The following ASTN2 variants were observed in gnomAD, a reference collection of about 807,000 sequenced individuals.
ASTN2 encodes the protein astrotactin-2.
In ASTN2, 54 loss-of-function variants were observed where a neutral mutation model predicts 139.8. The ratio of observed to expected loss-of-function variants is 0.39; its 90% CI spans 0.31 to 0.48. The LOEUF is 0.48. Ranked by LOEUF, ASTN2 falls within the 20% of genes least tolerant of loss-of-function variation. The pLI, the probability that ASTN2 is intolerant of heterozygous loss-of-function variation, is 0.95. For missense variants in ASTN2, 1,565 were observed against 1,725.1 expected, an observed-to-expected ratio of 0.91 and a Z score of 1.64; for synonymous variants, 756 against 719.5, an observed-to-expected ratio of 1.05 and a Z score of -0.81.
At chr9:117,116,834 C>CACAAA (rs1829406273) in intron 4 of ASTN2, among the ~76,000 whole-genome samples, 1 of 45,180 alleles carries the variant, frequency 2.2e-5, no homozygotes, top group Non-Finnish European at 3.5e-5. Context: ...TGGCATGAGC[C>CACAAA]AAAAAAAAAA....
chr9:117,128,226 T>C (rs1358115745), intron 4 of ASTN2, among the ~76,000 whole-genome samples: 1 of 151,746 alleles, frequency 6.6e-6, no homozygotes, highest in Non-Finnish European at 1.5e-5. Flanking sequence ...GTACAAAAAA[T>C]AGCTGGGCAT....
chr9:117,216,093 A>T (rs1413033198), intron 2 of ASTN2, among the ~76,000 whole-genome samples: 1 of 152,210 alleles, frequency 6.6e-6, no homozygotes, highest in Non-Finnish European at 1.5e-5. Context: ...AAATTCTGAC[A>T]ACTATCTGTA....
At position 116,636,414 on chromosome 9, in the gene ASTN2, C is replaced by T. The variant is rs562470955; in HGVS notation, c.3072+15114G>A. ...GACTTGCTGGGTGCAGTGGCTCATGCCTGTAATCCCAGCACTTTGAGAGGC... is the reference window on the plus strand; with the variant it reads ...GACTTGCTGGGTGCAGTGGCTCATGTCTGTAATCCCAGCACTTTGAGAGGC... On this transcript the variant is annotated intron_variant, in intron 17 of 22. Transcript: ENST00000313400. Among the ~76,000 whole-genome samples, 102 of 152,302 alleles carry T rather than the reference C, an allele frequency of 6.7e-4. 1 individual carries two copies. Among genetic ancestry groups the T allele is most frequent in the Non-Finnish European group, 4.7e-4 (32 of 68,028 alleles).
chr9:116,642,275 C>A (rs1346961950), intron 17 of ASTN2, among the ~76,000 whole-genome samples: 2 of 152,016 alleles, frequency 1.3e-5, no homozygotes, highest in African/African-American at 4.8e-5. Flanking sequence ...TCACTAGGCA[C>A]TCTTGACCTC....
chr9:116,464,084 C>A (rs991616133), intron 20 of ASTN2, among the ~76,000 whole-genome samples: 5 of 151,842 alleles, frequency 3.3e-5, no homozygotes, highest in Non-Finnish European at 4.4e-5. Context: ...TGACACATAG[C>A]AGAGGAGTAT....
intron 19 of ASTN2, among the ~76,000 whole-genome samples, chr9:116,494,941 A>G (rs1324329756): frequency 1.3e-5 from 2 of 152,174 alleles, no homozygotes; most frequent in Non-Finnish European, 2.9e-5. Flanking sequence ...TGATGAAGCT[A>G]TTTACTGAAG....
intron 3 of ASTN2, among the ~76,000 whole-genome samples, chr9:117,200,270 G>A (rs974295191): frequency 8.4e-5 from 12 of 143,324 alleles, no homozygotes; most frequent in South Asian, 4.5e-4. Context: ...TGTGATGTTC[G>A]ATGGGGTTTT....
chr9:117,239,657 C>A (rs148746212), intron 2 of ASTN2, among the ~76,000 whole-genome samples: 10 of 152,328 alleles, frequency 6.6e-5, no homozygotes, highest in African/African-American at 2.4e-4. Context: ...CTAGGAGAAC[C>A]ATTTCCATTT....
intron 13 of ASTN2, among the ~76,000 whole-genome samples, chr9:116,767,662 G>T (rs1342000510): frequency 6.6e-6 from 1 of 152,104 alleles, no homozygotes; most frequent in East Asian, 1.9e-4. Context: ...GGTGACTTCT[G>T]TCCTCCACAC....
intron 3 of ASTN2, among the ~76,000 whole-genome samples, chr9:117,201,745 T>C (rs192989687): frequency 6.6e-6 from 1 of 152,120 alleles, no homozygotes; most frequent in East Asian, 1.9e-4. Flanking sequence ...TGCTGAGGAG[T>C]GTTTTACTTT....
At chr9:116,815,545 C>T (rs1185968935) in intron 12 of ASTN2, among the ~76,000 whole-genome samples, 6 of 151,976 alleles carry the variant, frequency 3.9e-5, no homozygotes, top group African/African-American at 9.7e-5. Context: ...GTGGCTCACA[C>T]CTGTAATCCC....
intron 10 of ASTN2, among the ~76,000 whole-genome samples, chr9:116,876,830 A>G (rs1017501887): frequency 2.0e-5 from 3 of 152,246 alleles, no homozygotes; most frequent in Non-Finnish European, 4.4e-5. Flanking sequence ...AGAGTAAAAA[A>G]TAACTTTTAT....
intron 2 of ASTN2, among the ~76,000 whole-genome samples, chr9:117,282,015 C>G (rs1834337260): frequency 6.6e-6 from 1 of 152,144 alleles, no homozygotes; most frequent in Non-Finnish European, 1.5e-5. Context: ...TCTCTCTTTT[C>G]CTGTTCTCTT....
At chr9:116,647,345 T>C (rs926904683) in intron 17 of ASTN2, among the ~76,000 whole-genome samples, 13 of 152,198 alleles carry the variant, frequency 8.5e-5, no homozygotes, top group Admixed American at 3.3e-4. Context: ...TCAAAGATAC[T>C]TAATGAATGA....
intron 19 of ASTN2, among the ~76,000 whole-genome samples, chr9:116,614,309 A>T (rs968346175): frequency 3.9e-5 from 6 of 152,214 alleles, no homozygotes; most frequent in African/African-American, 1.4e-4. Context: ...AAGATAATTT[A>T]TAGATTCAGT....
At chr9:117,402,123 G>A (rs1830849404) in intron 1 of ASTN2, among the ~76,000 whole-genome samples, 1 of 152,210 alleles carries the variant, frequency 6.6e-6, no homozygotes. Flanking sequence ...CTGGAGTGCA[G>A]TGGCACGATT....
intron 9 of ASTN2, among the ~76,000 whole-genome samples, chr9:116,975,663 G>A (rs976487978): frequency 2.0e-5 from 3 of 152,166 alleles, no homozygotes; most frequent in African/African-American, 4.8e-5. Flanking sequence ...TTCCATAAGC[G>A]ACTGCTATGT....
rs1460159041 is a variant in ASTN2, at chr9:117,236,548, G to A, written c.631-21806C>T. 3.3e-5 allele frequency among the ~76,000 whole-genome samples: 5 copies of A among 152,232 alleles called. No homozygotes were observed. In the East Asian group the frequency reaches 9.6e-4, roughly 29 times the overall value. ...CAGTGACATGTGATTCTCCTTCTGT[G>A]CTGGACTGTAGGGTCCATGAGGGTA... On this transcript the variant is annotated intron_variant, in intron 2 of 22. Transcript: ENST00000313400.
At chr9:116,556,736 T>C (rs1035417082) in intron 19 of ASTN2, among the ~76,000 whole-genome samples, 9 of 152,176 alleles carry the variant, frequency 5.9e-5, no homozygotes, top group Non-Finnish European at 1.3e-4. Context: ...AACTCTTTTA[T>C]AAGCAAATAT....
Sources: allele counts gnomAD v4.1 joint callset (sites outside exome capture counted in the v4.1 genomes callset), GRCh38; gene constraint gnomAD v4.1.1; transcripts MANE v1.5; gene names NCBI Gene and HGNC (gene_info 2026-07-23, HGNC 2026-07-21).